ERBB4: variants seen among roughly 807,000 people sequenced by gnomAD.
ERBB4 encodes erb-b2 receptor tyrosine kinase 4.
Under a neutral mutation model 158.0 loss-of-function variants are expected in ERBB4, and 42 were observed. The ratio of observed to expected loss-of-function variants is 0.27; its 90% confidence interval spans 0.21 to 0.34. The LOEUF is 0.34. Among genes scored for constraint, ERBB4 ranks in the 10% least tolerant of loss-of-function variants. ERBB4 has a pLI of 1.00. For synonymous variants in ERBB4, 583 were observed against 558.7 expected (o/e 1.04, Z -0.61); for missense variants, 1,333 against 1,624.1 (o/e 0.82, Z 3.08).
At chr2:212,412,975 T>C (rs1165822540) in intron 1 of ERBB4, among the ~76,000 whole-genome samples, 2 of 151,886 alleles carry the variant, frequency 1.3e-5, no homozygotes, top group African/African-American at 2.4e-5. Flanking sequence ...TTTTTGTTTG[T>C]TTGTTTTTTT....
intron 2 of ERBB4, among the ~76,000 whole-genome samples, chr2:212,010,455 A>G (rs1334684711): frequency 6.6e-6 from 1 of 152,190 alleles, no homozygotes; most frequent in East Asian, 1.9e-4. Context: ...GGGGTATAAT[A>G]ACAGAGAGTA....
chr2:212,414,305 C>T (rs6757140), intron 1 of ERBB4, among the ~76,000 whole-genome samples: 53,558 of 152,054 alleles, frequency 0.35, 9,927 homozygotes, highest in Non-Finnish European at 0.4. Flanking sequence ...TGAAAGGCTA[C>T]AAAATTTATG....
At chr2:212,311,626 G>T (rs1315464536) in intron 1 of ERBB4, among the ~76,000 whole-genome samples, 3 of 150,926 alleles carry the variant, frequency 2.0e-5, no homozygotes, top group African/African-American at 7.3e-5. Flanking sequence ...TATGAAAAAA[G>T]TAGACTGATC....
At chr2:212,050,989 T>G (rs2077384495) in intron 2 of ERBB4, among the ~76,000 whole-genome samples, 1 of 152,160 alleles carries the variant, frequency 6.6e-6, no homozygotes, top group African/African-American at 2.4e-5. Flanking sequence ...AGCAGCCTTT[T>G]TGTAGCAAAG....
intron 20 of ERBB4, among the ~76,000 whole-genome samples, chr2:211,485,696 C>A (rs1470302522): frequency 7.1e-6 from 1 of 140,866 alleles, no homozygotes; most frequent in East Asian, 2.1e-4. Flanking sequence ...ACATGTCGCA[C>A]CCCAAACTCA....
At chr2:211,463,302 T>C (rs1387524218) in intron 20 of ERBB4, among the ~76,000 whole-genome samples, 1 of 152,176 alleles carries the variant, frequency 6.6e-6, no homozygotes, top group African/African-American at 2.4e-5. Context: ...CATGTACAAA[T>C]TGCAAAGCTA....
intron 3 of ERBB4, among the ~76,000 whole-genome samples, chr2:211,920,876 G>A (rs1012895766): frequency 1.3e-5 from 2 of 151,790 alleles, no homozygotes; most frequent in Admixed American, 6.6e-5. Context: ...GAACAACAGA[G>A]TGTGTTAAAG....
chr2:211,910,410 G>C (rs72933739), intron 3 of ERBB4, among the ~76,000 whole-genome samples: 9,351 of 145,512 alleles, frequency 0.064, 534 homozygotes, highest in Non-Finnish European at 0.093. Context: ...GTGTTAGTTT[G>C]CTAAGGATAA....
chr2:212,529,838 A>G (rs1692654000), intron 1 of ERBB4, among the ~76,000 whole-genome samples: 1 of 152,194 alleles, frequency 6.6e-6, no homozygotes, highest in Non-Finnish European at 1.5e-5. Context: ...GTAAAACTTA[A>G]AAGATTCAAA....
intron 1 of ERBB4, among the ~76,000 whole-genome samples, chr2:212,450,366 G>A (rs1272981361): frequency 1.3e-5 from 2 of 152,084 alleles, no homozygotes; most frequent in African/African-American, 4.8e-5. Context: ...TTATCTAAGT[G>A]AGCCCAGTAT....
chr2:212,437,383 T>C (rs1392312242), intron 1 of ERBB4, among the ~76,000 whole-genome samples: 1 of 151,946 alleles, frequency 6.6e-6, no homozygotes, highest in East Asian at 1.9e-4. Context: ...TCAGATGGCT[T>C]ATGTAGCAAT....
At chr2:211,661,328 G>C (rs900123110) in intron 15 of ERBB4, among the ~76,000 whole-genome samples, 8 of 151,958 alleles carry the variant, frequency 5.3e-5, no homozygotes, top group African/African-American at 1.9e-4. Context: ...CAGAACAACA[G>C]AAACACAAAA....
At chr2:211,714,599 CAG>C (rs1460838916) in intron 7 of ERBB4, among the ~76,000 whole-genome samples, 1 of 152,168 alleles carries the variant, frequency 6.6e-6, no homozygotes, top group Non-Finnish European at 1.5e-5. Flanking sequence ...AAAATCACAA[CAG>C]AGACTTCTAG....
At chr2:211,623,660 G>T (rs2069722839) in intron 18 of ERBB4, among the ~76,000 whole-genome samples, 1 of 152,106 alleles carries the variant, frequency 6.6e-6, no homozygotes, top group East Asian at 1.9e-4. Context: ...TGACATACGG[G>T]GCTCAGAAAG....
intron 1 of ERBB4, among the ~76,000 whole-genome samples, chr2:212,132,987 A>G (rs904853920): frequency 3.3e-5 from 5 of 152,230 alleles, no homozygotes; most frequent in Admixed American, 6.5e-5. Flanking sequence ...TCCACCTAAC[A>G]TGATACAACT....
At chr2:211,725,290 A>C (rs2074230142) in intron 5 of ERBB4, 96 bp from the exon 6 acceptor site, 1 of 916,190 alleles carries the variant, frequency 1.1e-6, no homozygotes, top group Non-Finnish European at 1.8e-6. Flanking sequence ...CCTGTCTTTG[A>C]CTCAATTCAG....
intron 25 of ERBB4, among the ~76,000 whole-genome samples, chr2:211,404,448 TAG>T (rs1312102185): frequency 1.3e-5 from 2 of 152,040 alleles, no homozygotes; most frequent in Non-Finnish European, 1.5e-5. Context: ...CTCAATATAA[TAG>T]AGAGAACAGA....
In ERBB4 at chr2:211,655,225, G is replaced by A. The variant is rs77769719; in HGVS notation, c.1946+2529C>T. On this transcript the variant is annotated intron_variant, in intron 16 of 27. Transcript: ENST00000342788. The stretch of plus-strand genomic sequence containing the variant: ...GAGAAATGCTCTCTCTTCCTTCAAG[G>A]GGCCCATCAAAAGGGCTTTAGGTAC... Among the ~76,000 whole-genome samples, 370 of 152,028 alleles carry A rather than the reference G, an allele frequency of 2.4e-3. 3 individuals are homozygous for A. The highest frequency in any genetic ancestry group is 8.3e-3 in the African/African-American group (343 of 41,482).
At chr2:211,689,373 T>C (rs1316824021) in intron 12 of ERBB4, among the ~76,000 whole-genome samples, 1 of 152,132 alleles carries the variant, frequency 6.6e-6, no homozygotes, top group Non-Finnish European at 1.5e-5. Context: ...TTTTTGTTGT[T>C]GTTTTTGTAG....
Sources: allele counts gnomAD v4.1 joint callset (sites outside exome capture counted in the v4.1 genomes callset), GRCh38; gene constraint gnomAD v4.1.1; transcripts MANE v1.5; gene names NCBI Gene and HGNC (gene_info 2026-07-23, HGNC 2026-07-21).